The following C6orf118 variants were observed in gnomAD, a reference collection of about 807,000 sequenced individuals.
C6orf118 encodes the protein uncharacterized protein C6orf118.
C6orf118 carries 50 observed loss-of-function variants against 50.2 expected under a neutral mutation model. The observed-to-expected ratio is 1.00, with a 90% CI of 0.79 to 1.26. The LOEUF (loss-of-function observed/expected upper bound fraction) is 1.26, where lower values mean the gene tolerates loss of function less well. Among genes scored for constraint, C6orf118 ranks in the 50% most tolerant of loss-of-function variants. The pLI is 0.00. For synonymous variants in C6orf118, 239 were observed against 230.9 expected (o/e 1.03, Z -0.32); for missense variants, 641 against 578.7 (o/e 1.11, Z -1.10).
chr6:165,284,792 A>C (rs1291755576), intron 7 of C6orf118, among the ~76,000 whole-genome samples: 2 of 152,216 alleles, frequency 1.3e-5, no homozygotes, highest in Non-Finnish European at 2.9e-5. Flanking sequence ...ATTTGTCACC[A>C]CTAGGCCTGC....
intron 1 of C6orf118, among the ~76,000 whole-genome samples, chr6:165,302,881 G>A (rs537709320): frequency 9.9e-5 from 15 of 152,236 alleles, no homozygotes; most frequent in African/African-American, 3.6e-4. Context: ...AATCAAAATT[G>A]TTGATTGACA....
Position 165,299,488 on chromosome 6 carries a change from G to A in C6orf118, c.891C>T (p.Leu297=). 1.9e-6 allele frequency: 3 copies of A among 1,614,088 alleles called. No individual in the cohort carries two copies. In the South Asian group the frequency reaches 3.3e-5, roughly 18 times the overall value. ...LLKKVKDEYE[L]YMATLLESQP... ...GGGACTCCAGGAGCGTTGCCATGTAGAGTTCATATTCATCCTGTACAGAAA... is the reference window on the plus strand; with the variant it reads ...GGGACTCCAGGAGCGTTGCCATGTAAAGTTCATATTCATCCTGTACAGAAA... Residue 297 remains leucine, a synonymous_variant, in exon 4 of 9, where the codon CTC becomes CTT. Coordinates refer to ENST00000230301, the MANE Select transcript of C6orf118 (RefSeq NM_144980.4).
At chr6:165,307,099 T>C (rs1290946446) in intron 1 of C6orf118, among the ~76,000 whole-genome samples, 1 of 152,192 alleles carries the variant, frequency 6.6e-6, no homozygotes, top group East Asian at 1.9e-4. Context: ...CATGTAGTAA[T>C]AGGTCTTAGG....
chr6:165,295,834 T>G, intron 5 of C6orf118, among the ~76,000 whole-genome samples: 1 of 152,096 alleles, frequency 6.6e-6, no homozygotes, highest in East Asian at 1.9e-4. Context: ...TGCTGCTCCC[T>G]TTCCCTTAAC....
At chr6:165,301,548 C>T (rs769520801) in intron 2 of C6orf118, 21 bp downstream of exon 2, 1 of 1,596,614 alleles carries the variant, frequency 6.3e-7, no homozygotes, top group East Asian at 2.2e-5. Flanking sequence ...CCTGAGACCA[C>T]CGCAGGGCTG....
In C6orf118 at chr6:165,298,127, G is replaced by A. The variant is rs9459353; in HGVS notation, c.937-26C>T. 1.2e-3 allele frequency: 1,878 copies of A among 1,551,140 alleles called. 24 individuals carry two copies. In the African/African-American group the frequency reaches 0.023, roughly 19 times the overall value. The stretch of plus-strand genomic sequence containing the variant: ...CTAGGCAGGACCAGGTACATGAGGT[G>A]AGACAAGCACACAGGGAGGGCGGGA... On this transcript the variant is annotated intron_variant, in intron 4 of 8. Coordinates refer to ENST00000230301, the MANE Select transcript of C6orf118 (RefSeq NM_144980.4).
intron 7 of C6orf118, among the ~76,000 whole-genome samples, chr6:165,287,167 C>G (rs1446651924): frequency 2.0e-5 from 3 of 152,048 alleles, no homozygotes; most frequent in Non-Finnish European, 4.4e-5. Flanking sequence ...TATGAATGAA[C>G]TCCCATTCAC....
intron 1 of C6orf118, among the ~76,000 whole-genome samples, chr6:165,307,186 C>G (rs1780766543): frequency 6.6e-6 from 1 of 151,584 alleles, no homozygotes; most frequent in South Asian, 2.1e-4. Flanking sequence ...TTGTTTGTTT[C>G]TTTGGAAATG....
chr6:165,309,475 T>C, intron 1 of C6orf118, 87 bp downstream of exon 1: 3 of 1,512,826 alleles, frequency 2.0e-6, no homozygotes, highest in South Asian at 2.2e-5. Context: ...TTTTCACATT[T>C]CAAATCAGTC....
chr6:165,298,645 T>C (rs542368231), intron 4 of C6orf118, among the ~76,000 whole-genome samples: 1 of 152,328 alleles, frequency 6.6e-6, no homozygotes, highest in East Asian at 1.9e-4. Context: ...CGTATGCCAC[T>C]TATGACTCAA....
At chr6:165,289,802 T>C (rs959974660) in intron 7 of C6orf118, 84 bp downstream of exon 7, 3 of 898,812 alleles carry the variant, frequency 3.3e-6, no homozygotes, top group African/African-American at 1.7e-5. Context: ...TTTTACCCTA[T>C]TACCAAATCA....
intron 5 of C6orf118, among the ~76,000 whole-genome samples, chr6:165,297,640 T>C (rs927870840): frequency 7.2e-5 from 11 of 152,136 alleles, no homozygotes; most frequent in Non-Finnish European, 1.3e-4. Flanking sequence ...TTAGAAGAGC[T>C]TTGTAAGTTA....
At position 165,309,500 on chromosome 6, in the gene C6orf118, C is replaced by G. The variant is rs902962421; in HGVS notation, c.25+62G>C. On this transcript the variant is annotated intron_variant, in intron 1 of 8. Coordinates refer to ENST00000230301, the MANE Select transcript of C6orf118 (RefSeq NM_144980.4). ...TCAAATCAGTCTTCAGAAGCCCATC[C>G]CTCCACAATTGAACATCAAGCAAAT... The G allele has an allele frequency of 1.2e-5, 19 of 1,586,570 alleles. No individual in the cohort carries two copies. In the East Asian group the frequency reaches 2.9e-4, roughly 24 times the overall value.
chr6:165,301,571 G>T lies in C6orf118; in HGVS notation c.751C>A (p.Gln251Lys). The T allele has an allele frequency of 6.2e-7, 1 of 1,610,010 alleles. No individual in the cohort carries two copies. The stretch of plus-strand genomic sequence containing the variant: ...CACCGCAGGGCTGCCCTCCTCACCT[G>T]CTGCAGCTTTCTCTCGTGGCCCGCG... Reference protein sequence around the residue: ...AAAGHERKLQQELQKICTCSP... With the variant: ...AAAGHERKLQKELQKICTCSP... Residue 251 changes from glutamine to lysine, a missense_variant and splice_region_variant, in exon 2 of 9, where the codon CAG (glutamine) becomes AAG (lysine). Coordinates refer to ENST00000230301, the MANE Select transcript of C6orf118 (RefSeq NM_144980.4).
In C6orf118 at chr6:165,280,094, T is replaced by G; in HGVS notation, c.1373A>C (p.Tyr458Ser). 5 of 1,608,648 alleles carry G rather than the reference T, an allele frequency of 3.1e-6. No individual in the cohort carries two copies. The highest frequency in any genetic ancestry group is 3.3e-4 in the Middle Eastern group (2 of 6,032). ...KKKIKGPLEI[Y>S]QGICKIRGNR... ...TCCTCTGATTTTACAAATTCCTTGA[T>G]AAATTTCCAAAGGCCCCTTAAAATA... is the stretch of plus-strand genomic sequence containing the variant. The change falls in exon 9 of 9, where the codon TAT (tyrosine) becomes TCT (serine). Residue 458 changes from tyrosine to serine, a missense_variant. Physicochemically the swap from Tyr to Ser is moderately radical, Grantham distance 144. Transcript: ENST00000230301.
At chr6:165,302,990 C>T (rs1056903880) in intron 1 of C6orf118, among the ~76,000 whole-genome samples, 6 of 152,210 alleles carry the variant, frequency 3.9e-5, no homozygotes, top group African/African-American at 7.2e-5. Flanking sequence ...ACAGGTAACA[C>T]GTTACTGAAC....
At chr6:165,287,772 C>CA (rs1195209149) in intron 7 of C6orf118, among the ~76,000 whole-genome samples, 3 of 152,070 alleles carry the variant, frequency 2.0e-5, no homozygotes, top group Admixed American at 6.6e-5. Flanking sequence ...ACACCTTATA[C>CA]AAAAAATAAC....
intron 5 of C6orf118, 89 bp downstream of exon 5, chr6:165,297,888 A>C (rs2128161428): frequency 6.3e-7 from 1 of 1,578,810 alleles, no homozygotes; most frequent in African/African-American, 1.3e-5. Flanking sequence ...CAACGCAGAA[A>C]TCAATGTAAC....
chr6:165,282,064 T>C (rs56203950), intron 7 of C6orf118: 13,891 of 155,816 alleles, frequency 0.089, 690 homozygotes, highest in African/African-American at 0.12. Flanking sequence ...CAATAACTGA[T>C]TATAAACTGT....
Sources: allele counts gnomAD v4.1 joint callset (sites outside exome capture counted in the v4.1 genomes callset), GRCh38; gene constraint gnomAD v4.1.1; transcripts MANE v1.5; gene names NCBI Gene and HGNC (gene_info 2026-07-23, HGNC 2026-07-21).